PCSK2: variants seen among roughly 807,000 people sequenced by gnomAD.
PCSK2 encodes proprotein convertase subtilisin/kexin type 2.
In PCSK2, 14 loss-of-function variants were observed where a neutral mutation model predicts 69.7. The observed-to-expected ratio is 0.20, with a 90% confidence interval of 0.13 to 0.31. The LOEUF (loss-of-function observed/expected upper bound fraction) is 0.31. Ranked by LOEUF, PCSK2 falls within the 10% of genes least tolerant of loss-of-function variation. The pLI, the probability that PCSK2 is intolerant of heterozygous loss-of-function variation, is 1.00. For synonymous variants in PCSK2, 307 were observed against 320.7 expected, an observed-to-expected ratio of 0.96 and a Z score of 0.46; for missense variants, 544 against 842.5, an observed-to-expected ratio of 0.65 and a Z score of 4.39.
chr20:17,328,832 T>C (rs1406766413), intron 2 of PCSK2, among the ~76,000 whole-genome samples: 1 of 152,008 alleles, frequency 6.6e-6, no homozygotes, highest in Non-Finnish European at 1.5e-5. Flanking sequence ...TGCATGGGAG[T>C]TGTCGACAGT....
chr20:17,317,940 T>G (rs1367263970), intron 2 of PCSK2, among the ~76,000 whole-genome samples: 4 of 152,188 alleles, frequency 2.6e-5, no homozygotes, highest in Admixed American at 1.3e-4. Flanking sequence ...GCAGCAGAGA[T>G]GAAGAGAATA....
intron 2 of PCSK2, among the ~76,000 whole-genome samples, chr20:17,348,441 G>A (rs2029880495): frequency 6.6e-6 from 1 of 152,120 alleles, no homozygotes; most frequent in Non-Finnish European, 1.5e-5. Flanking sequence ...TCACACAGTG[G>A]GCCAGGTGCT....
chr20:17,332,532 T>A (rs2424073), intron 2 of PCSK2, among the ~76,000 whole-genome samples: 12,501 of 152,242 alleles, frequency 0.082, 588 homozygotes, highest in African/African-American at 0.12. Flanking sequence ...CAGCTTTCTC[T>A]AGGGCAACAG....
At chr20:17,264,263 C>T (rs1042434309) in intron 2 of PCSK2, among the ~76,000 whole-genome samples, 7 of 152,150 alleles carry the variant, frequency 4.6e-5, no homozygotes, top group African/African-American at 1.7e-4. Flanking sequence ...AACTTCATTT[C>T]TTGAGAGAGG....
At chr20:17,370,087 A>T (rs1451207832) in intron 5 of PCSK2, among the ~76,000 whole-genome samples, 1 of 152,220 alleles carries the variant, frequency 6.6e-6, no homozygotes, top group Non-Finnish European at 1.5e-5. Flanking sequence ...TTTAAACAGA[A>T]TCGATCACTT....
At chr20:17,360,766 C>G (rs1438360030) in intron 4 of PCSK2, 126 bp downstream of exon 4, 1 of 634,388 alleles carries the variant, frequency 1.6e-6, no homozygotes, top group Non-Finnish European at 2.9e-6. Context: ...GCATGATGGC[C>G]ACACTGCACT....
chr20:17,477,329 T>TTTTATTTA (rs150620273), intron 11 of PCSK2, among the ~76,000 whole-genome samples: 88 of 150,620 alleles, frequency 5.8e-4, no homozygotes, highest in South Asian at 1.0e-3. Context: ...TTTTATTTTA[T>TTTTATTTA]TTTATTTATT....
chr20:17,467,954 A>AT (rs1320906525), intron 11 of PCSK2, among the ~76,000 whole-genome samples: 1 of 152,262 alleles, frequency 6.6e-6, no homozygotes, highest in Non-Finnish European at 1.5e-5. Flanking sequence ...TCCAAATCAG[A>AT]TATCCTCTCA....
At chr20:17,363,117 T>C (rs1330083171) in intron 4 of PCSK2, among the ~76,000 whole-genome samples, 1 of 152,250 alleles carries the variant, frequency 6.6e-6, no homozygotes, top group Non-Finnish European at 1.5e-5. Flanking sequence ...GCAAAACTAA[T>C]GTCATATTCT....
chr20:17,412,230 T>C (rs900398877), intron 6 of PCSK2, among the ~76,000 whole-genome samples: 2 of 152,086 alleles, frequency 1.3e-5, no homozygotes, highest in East Asian at 1.9e-4. Flanking sequence ...AACAAACTTG[T>C]CCAAGCTAAA....
intron 5 of PCSK2, among the ~76,000 whole-genome samples, chr20:17,402,450 G>A (rs2123290720): frequency 6.6e-6 from 1 of 152,078 alleles, no homozygotes; most frequent in East Asian, 1.9e-4. Flanking sequence ...CAGATCACTT[G>A]ACGTCTGGAG....
chr20:17,392,679 CA>C (rs2031414027), intron 5 of PCSK2, among the ~76,000 whole-genome samples: 1 of 152,132 alleles, frequency 6.6e-6, no homozygotes. Flanking sequence ...CAAATGGAAT[CA>C]TACAGTATAC....
intron 11 of PCSK2, among the ~76,000 whole-genome samples, chr20:17,469,925 A>T (rs2033172032): frequency 6.6e-6 from 1 of 152,010 alleles, no homozygotes; most frequent in African/African-American, 2.4e-5. Flanking sequence ...GGGATTCTGA[A>T]ACACCCACCT....
chr20:17,393,894 A>G (rs1298531645), intron 5 of PCSK2, among the ~76,000 whole-genome samples: 2 of 152,218 alleles, frequency 1.3e-5, no homozygotes, highest in East Asian at 3.8e-4. Context: ...CATTTAATGT[A>G]AAAAAAGTAC....
chr20:17,263,164 T>A, intron 2 of PCSK2: 3 of 983,348 alleles, frequency 3.1e-6, no homozygotes, highest in Non-Finnish European at 2.4e-6. Context: ...AAGGTACTTT[T>A]TGGCTTTTTT....
At chr20:17,419,982 G>T (rs1234322885) in intron 6 of PCSK2, among the ~76,000 whole-genome samples, 1 of 152,192 alleles carries the variant, frequency 6.6e-6, no homozygotes, top group Non-Finnish European at 1.5e-5. Flanking sequence ...AATTCAGGAA[G>T]AGAGAAGACA....
chr20:17,452,258 T>TGAA (rs11087207), intron 8 of PCSK2, among the ~76,000 whole-genome samples: 1 of 152,088 alleles, frequency 6.6e-6, no homozygotes, highest in Non-Finnish European at 1.5e-5. Flanking sequence ...ACTGTAGGGA[T>TGAA]ATCTATTTCC....
chr20:17,416,909 C>T (rs1310877234), intron 6 of PCSK2, among the ~76,000 whole-genome samples: 1 of 152,048 alleles, frequency 6.6e-6, no homozygotes, highest in African/African-American at 2.4e-5. Context: ...ATTCTCAGCA[C>T]ACCATCACAA....
chr20:17,480,770 C>T (rs1272103665), intron 11 of PCSK2, among the ~76,000 whole-genome samples: 1 of 152,214 alleles, frequency 6.6e-6, no homozygotes, highest in Non-Finnish European at 1.5e-5. Context: ...CTCAGTCCCA[C>T]TAGGGACACT....
Sources: allele counts gnomAD v4.1 joint callset (sites outside exome capture counted in the v4.1 genomes callset), GRCh38; gene constraint gnomAD v4.1.1; transcripts MANE v1.5; gene names NCBI Gene and HGNC (gene_info 2026-07-23, HGNC 2026-07-21).